LIN54: variants seen among roughly 807,000 people sequenced by gnomAD.
The protein encoded by LIN54 is lin-54 DREAM MuvB core complex component.
LIN54 carries 9 observed loss-of-function variants against 78.7 expected under a neutral mutation model. The observed-to-expected ratio is 0.11, with a 90% confidence interval of 0.07 to 0.20. The LOEUF (loss-of-function observed/expected upper bound fraction) is 0.20. Among genes scored for constraint, LIN54 ranks in the 10% least tolerant of loss-of-function variants. The probability of loss-of-function intolerance (pLI) is 1.00; values close to 1 mark genes in which losing one functional copy is unlikely to be tolerated. For synonymous variants in LIN54, 269 were observed against 318.4 expected (o/e 0.84, Z 1.65); for missense variants, 573 against 889.9 (o/e 0.64, Z 4.53).
chr4:82,972,807 C>A (rs1440452559), intron 3 of LIN54, among the ~76,000 whole-genome samples: 1 of 151,906 alleles, frequency 6.6e-6, no homozygotes, highest in African/African-American at 2.4e-5. Flanking sequence ...ATGGTGAAAC[C>A]CCGTCTCTAC....
intron 4 of LIN54, among the ~76,000 whole-genome samples, chr4:82,949,802 CTGTGCAGGA>C (rs1723708109): frequency 6.7e-6 from 1 of 149,838 alleles, no homozygotes; most frequent in Non-Finnish European, 1.5e-5. Flanking sequence ...ATTTCCTTTG[CTGTGCAGGA>C]TATTTTTTGT....
chr4:82,944,476 C>T (rs1369384278), intron 5 of LIN54, among the ~76,000 whole-genome samples: 1 of 152,064 alleles, frequency 6.6e-6, no homozygotes, highest in East Asian at 1.9e-4. Flanking sequence ...CCTTAGTCAA[C>T]AATATGGTTT....
chr4:82,988,707 T>C lies in LIN54; in HGVS notation c.-32-3831A>G, dbSNP rs575946261. On this transcript the variant is annotated intron_variant, in intron 1 of 12. Transcript: ENST00000340417. Reference sequence around the variant, plus strand: ...AGCTGCTGCACAGCCTCACCAACAATTGGTATTGTCAGTCTTCTGTTGGTC... The same window carrying C: ...AGCTGCTGCACAGCCTCACCAACAACTGGTATTGTCAGTCTTCTGTTGGTC... 4.6e-5 allele frequency among the ~76,000 whole-genome samples: 7 copies of C among 152,284 alleles called. 1 individual carries two copies. The highest frequency in any genetic ancestry group is 1.7e-4 in the African/African-American group (7 of 41,564).
Position 83,010,580 on chromosome 4 carries a change from G to A in LIN54, c.-129C>T. 2 of 1,221,300 alleles carry A rather than the reference G, an allele frequency of 1.6e-6. No individual in the cohort carries two copies. The highest frequency in any genetic ancestry group is 1.0e-6 in the Non-Finnish European group (1 of 981,486). The allele number at this position is 1,221,300 out of a possible 1,614,324, so 75.7% of individuals were successfully genotyped here. ...AGCCCCGGCGGGGCTTGTTTTGCCC[G>A]TGCACGATAGCTCTGGCCAGCAGCT... On this transcript the variant is annotated 5_prime_UTR_variant, in exon 1 of 13. In the 5' UTR this introduces an upstream ATG that the reference lacks. Coordinates refer to ENST00000340417, the MANE Select transcript of LIN54 (RefSeq NM_194282.4).
chr4:82,967,668 G>C (rs1725312179), intron 4 of LIN54, among the ~76,000 whole-genome samples: 1 of 152,190 alleles, frequency 6.6e-6, no homozygotes, highest in Non-Finnish European at 1.5e-5. Context: ...ATCCCTGACA[G>C]GGAACTTGGC....
At chr4:82,963,255 T>C (rs1463962973) in intron 4 of LIN54, among the ~76,000 whole-genome samples, 1 of 152,164 alleles carries the variant, frequency 6.6e-6, no homozygotes, top group Non-Finnish European at 1.5e-5. Context: ...AAATATCTTT[T>C]AAAAATAATG....
At chr4:82,955,063 A>T (rs1480037468) in intron 4 of LIN54, among the ~76,000 whole-genome samples, 4 of 152,186 alleles carry the variant, frequency 2.6e-5, no homozygotes, top group African/African-American at 4.8e-5. Flanking sequence ...ATGATTTTTT[A>T]AAAATACACT....
intron 3 of LIN54, among the ~76,000 whole-genome samples, chr4:82,978,547 T>C (rs183521225): frequency 2.2e-4 from 34 of 152,292 alleles, no homozygotes; most frequent in Admixed American, 1.8e-3. Flanking sequence ...ACCTACCTCA[T>C]AGGATTGCTG....
In LIN54 at chr4:82,999,777, C is replaced by CAA. The variant is rs1295987591; in HGVS notation, c.-33+10705_-33+10706dup. Reference sequence around the variant, plus strand: ...TAGGTGACAGGGCGAGACTCTGTCTCAAAAAAAAAAAAAAAAAAGGCAAGA... The same window carrying CAA: ...TAGGTGACAGGGCGAGACTCTGTCTCAAAAAAAAAAAAAAAAAAAAGGCAAGA... On this transcript the variant is annotated intron_variant, in intron 1 of 12. Coordinates refer to ENST00000340417, the MANE Select transcript of LIN54 (RefSeq NM_194282.4). 4.3e-3 allele frequency among the ~76,000 whole-genome samples: 392 copies of CAA among 92,224 alleles called. 32 individuals are homozygous for CAA. The highest frequency in any genetic ancestry group is 0.013 in the African/African-American group (293 of 22,448). 60.5% of individuals were successfully genotyped at this position (92,224 alleles called of 152,430 possible).
At chr4:82,992,756 TG>T (rs1274925629) in intron 1 of LIN54, among the ~76,000 whole-genome samples, 1 of 151,994 alleles carries the variant, frequency 6.6e-6, no homozygotes, top group African/African-American at 2.4e-5. Context: ...CGGCCAGGCG[TG>T]GTGGCTCACG....
At chr4:82,973,748 T>TA (rs1257314327) in intron 3 of LIN54, among the ~76,000 whole-genome samples, 1 of 152,176 alleles carries the variant, frequency 6.6e-6, no homozygotes, top group Non-Finnish European at 1.5e-5. Context: ...TACATTTTAC[T>TA]AAACTAAGAT....
intron 4 of LIN54, among the ~76,000 whole-genome samples, chr4:82,954,830 C>T (rs1724154356): frequency 6.6e-6 from 1 of 152,142 alleles, no homozygotes; most frequent in Non-Finnish European, 1.5e-5. Flanking sequence ...AAAAAGGAAT[C>T]TAGACACAGA....
intron 8 of LIN54, 34 bp from the exon 9 acceptor site, chr4:82,937,332 C>T: frequency 7.2e-7 from 1 of 1,382,190 alleles, no homozygotes. Context: ...TACATTTAAT[C>T]AATTAATAGT....
Position 83,010,523 on chromosome 4 carries a change from G to T in LIN54, c.-72C>A, listed in dbSNP as rs190370640. Reference sequence around the variant, plus strand: ...GCTTTCTCCTCCCTCGGGCTCCGAGGTAGGGGCTCCAGAAGGTCCTGGGCA... The same window carrying T: ...GCTTTCTCCTCCCTCGGGCTCCGAGTTAGGGGCTCCAGAAGGTCCTGGGCA... On this transcript the variant is annotated 5_prime_UTR_variant, in exon 1 of 13. Transcript: ENST00000340417. 473 of 1,189,606 alleles carry T rather than the reference G, an allele frequency of 4.0e-4. 5 individuals are homozygous for T. The African/African-American group carries it at 7.0e-3, about 18-fold the overall frequency. The allele number at this position is 1,189,606 out of a possible 1,614,324, so 73.7% of individuals were successfully genotyped here.
chr4:82,973,900 C>G (rs558354276), intron 3 of LIN54, among the ~76,000 whole-genome samples: 1 of 152,236 alleles, frequency 6.6e-6, no homozygotes, highest in African/African-American at 2.4e-5. Context: ...TATGCATTCA[C>G]AGAACTACAT....
intron 4 of LIN54, among the ~76,000 whole-genome samples, chr4:82,958,662 G>C (rs1343911641): frequency 6.6e-6 from 1 of 152,070 alleles, no homozygotes; most frequent in Non-Finnish European, 1.5e-5. Flanking sequence ...TATTTACTAG[G>C]TTTTAATTTT....
At chr4:82,965,215 C>T (rs1389965054) in intron 4 of LIN54, among the ~76,000 whole-genome samples, 1 of 152,034 alleles carries the variant, frequency 6.6e-6, no homozygotes, top group Non-Finnish European at 1.5e-5. Context: ...AGCAGAATCA[C>T]ATTTTTATTA....
chr4:82,959,878 CA>C (rs1724648984), intron 4 of LIN54, among the ~76,000 whole-genome samples: 1 of 151,720 alleles, frequency 6.6e-6, no homozygotes, highest in Non-Finnish European at 1.5e-5. Flanking sequence ...AGTCTTATAC[CA>C]AAAATTACAT....
chr4:83,007,091 G>A (rs1049602414), intron 1 of LIN54, among the ~76,000 whole-genome samples: 2 of 152,014 alleles, frequency 1.3e-5, no homozygotes, highest in Non-Finnish European at 2.9e-5. Context: ...AGTGAGCGGA[G>A]ATCACACCAC....
Sources: gnomAD v4.1 joint callset for allele counts (sites outside exome capture counted in the v4.1 genomes callset) on GRCh38, gnomAD v4.1.1 for gene constraint, MANE v1.5 for transcripts, NCBI Gene and HGNC (gene_info 2026-07-23, HGNC 2026-07-21) for gene names.